SYCP1: variants seen among roughly 807,000 people sequenced by gnomAD.
SYCP1 encodes cancer/testis antigen 8.
Under a neutral mutation model 153.1 loss-of-function variants are expected in SYCP1, and 64 were observed. The observed-to-expected ratio is 0.42, with a 90% CI of 0.34 to 0.51. The LOEUF (loss-of-function observed/expected upper bound fraction) is 0.51. Among genes scored for constraint, SYCP1 ranks in the 20% least tolerant of loss-of-function variants. SYCP1 has a pLI of 0.06. For missense variants in SYCP1, 997 were observed against 1,049.0 expected (o/e 0.95, Z 0.68); for synonymous variants, 384 against 341.8 (o/e 1.12, Z -1.36).
chr1:114,940,024 G>A (rs571518220), intron 23 of SYCP1, among the ~76,000 whole-genome samples: 2 of 152,190 alleles, frequency 1.3e-5, no homozygotes, highest in South Asian at 4.1e-4. Context: ...TTTTTAATCT[G>A]ATGTTGGTTA....
intron 15 of SYCP1, among the ~76,000 whole-genome samples, chr1:114,892,179 C>A (rs574654023): frequency 6.6e-6 from 1 of 152,134 alleles, no homozygotes; most frequent in South Asian, 2.1e-4. Context: ...CAGAGATAGT[C>A]CTCGTGGGCC....
chr1:114,933,574 G>T (rs1325270351), intron 23 of SYCP1, among the ~76,000 whole-genome samples: 1 of 152,328 alleles, frequency 6.6e-6, no homozygotes, highest in East Asian at 1.9e-4. Flanking sequence ...AGAGAAGAAG[G>T]CTTCAGATGA....
chr1:114,937,011 C>T (rs1670055453), intron 23 of SYCP1, among the ~76,000 whole-genome samples: 1 of 152,146 alleles, frequency 6.6e-6, no homozygotes, highest in Admixed American at 6.6e-5. Context: ...ATCAAGCTAC[C>T]AATCACTTTC....
intron 9 of SYCP1, among the ~76,000 whole-genome samples, chr1:114,875,862 G>T (rs1037784189): frequency 6.6e-6 from 1 of 152,136 alleles, no homozygotes; most frequent in African/African-American, 2.4e-5. Context: ...ATAACATGTT[G>T]CCAGTGCATT....
At chr1:114,859,716 G>A (rs1367228392) in intron 6 of SYCP1, 27 bp from the exon 7 acceptor site, 8 of 1,007,698 alleles carry the variant, frequency 7.9e-6, no homozygotes, top group Non-Finnish European at 9.1e-6. Context: ...AGCAAAATGG[G>A]ATGAACTTTT....
At chr1:114,920,051 CTTTTTGTAGTTTTTTA>C (rs1016529665) in intron 20 of SYCP1, among the ~76,000 whole-genome samples, 5 of 151,642 alleles carry the variant, frequency 3.3e-5, no homozygotes, top group African/African-American at 1.2e-4. Flanking sequence ...GTTTGCTCTT[CTTTTTGTAGTTTTTTA>C]AGATGCATCA....
intron 27 of SYCP1, among the ~76,000 whole-genome samples, chr1:114,970,218 G>A (rs977116291): frequency 6.6e-6 from 1 of 152,024 alleles, no homozygotes; most frequent in African/African-American, 2.4e-5. Context: ...AAATTTTCCA[G>A]TGTATTTTGC....
At chr1:114,983,516 A>T (rs751847737) in intron 29 of SYCP1, among the ~76,000 whole-genome samples, 1 of 151,960 alleles carries the variant, frequency 6.6e-6, no homozygotes, top group Non-Finnish European at 1.5e-5. Flanking sequence ...CACCAGACAA[A>T]TCAAATACTG....
chr1:114,893,852 C>T (rs891717870), intron 15 of SYCP1, among the ~76,000 whole-genome samples: 3 of 152,084 alleles, frequency 2.0e-5, no homozygotes, highest in African/African-American at 4.8e-5. Context: ...AACACTACCT[C>T]ATCTGCCACC....
chr1:114,959,227 G>T (rs1671629764), intron 27 of SYCP1, among the ~76,000 whole-genome samples: 1 of 151,938 alleles, frequency 6.6e-6, no homozygotes, highest in Non-Finnish European at 1.5e-5. Context: ...TGATCATGTG[G>T]GTTTCTCCGT....
At position 114,926,529 on chromosome 1, in the gene SYCP1, C is replaced by T. The variant is rs953686400; in HGVS notation, c.1892C>T (p.Ala631Val). The change falls in exon 23 of 32, where the codon GCA becomes GTA. Residue 631 changes from alanine (A) to valine (V), a missense_variant. Ala to Val is a moderately conservative substitution (Grantham distance 64). Transcript: ENST00000369522. ...AAGGCCTTGAAAAAAAAAGGTACAGCAGAAAGCAAGCAACTGAATGTTTAT... is the reference window on the plus strand; with the variant it reads ...AAGGCCTTGAAAAAAAAAGGTACAGTAGAAAGCAAGCAACTGAATGTTTAT... The part of the protein sequence containing the change: ...ENKALKKKGT[A>V]ESKQLNVYEI... The T allele has an allele frequency of 5.7e-6, 9 of 1,591,804 alleles. No homozygotes were observed. In the Middle Eastern group the frequency reaches 5.0e-4, roughly 89 times the overall value.
At chr1:114,856,532 G>A in intron 2 of SYCP1, 41 bp from the exon 3 acceptor site, 2 of 1,385,592 alleles carry the variant, frequency 1.4e-6, no homozygotes, top group African/African-American at 2.9e-5. Flanking sequence ...ATATCAGAGT[G>A]GTATGAAACA....
intron 27 of SYCP1, among the ~76,000 whole-genome samples, chr1:114,963,422 C>T (rs1025036684): frequency 6.6e-6 from 1 of 152,094 alleles, no homozygotes; most frequent in African/African-American, 2.4e-5. Context: ...GTGTGCAGAA[C>T]ATGCAAGTTT....
At chr1:114,898,433 C>T (rs1031418688) in intron 16 of SYCP1, among the ~76,000 whole-genome samples, 3 of 152,044 alleles carry the variant, frequency 2.0e-5, no homozygotes, top group Admixed American at 6.6e-5. Flanking sequence ...ATCATCTGTC[C>T]GGATTTGCAA....
intron 29 of SYCP1, among the ~76,000 whole-genome samples, chr1:114,982,433 C>T (rs1673220381): frequency 6.6e-6 from 1 of 151,656 alleles, no homozygotes; most frequent in Non-Finnish European, 1.5e-5. Context: ...TTTTTCTATT[C>T]CATATCAGTT....
chr1:114,942,286 C>T (rs904187302), intron 23 of SYCP1, among the ~76,000 whole-genome samples: 6 of 151,744 alleles, frequency 4.0e-5, no homozygotes, highest in East Asian at 3.8e-4. Flanking sequence ...AAATTTTGTC[C>T]GCAACATACC....
chr1:114,927,846 T>C (rs374254691), intron 23 of SYCP1, among the ~76,000 whole-genome samples: 28 of 151,974 alleles, frequency 1.8e-4, no homozygotes, highest in African/African-American at 6.5e-4. Flanking sequence ...TGAGACAGAG[T>C]CTCACTCTGG....
At chr1:114,860,183 C>T (rs1664278593) in intron 7 of SYCP1, among the ~76,000 whole-genome samples, 1 of 152,058 alleles carries the variant, frequency 6.6e-6, no homozygotes. Flanking sequence ...TACTCAAATT[C>T]CTGTTTTTGA....
At chr1:114,969,766 C>T (rs1004609114) in intron 27 of SYCP1, among the ~76,000 whole-genome samples, 1 of 152,164 alleles carries the variant, frequency 6.6e-6, no homozygotes, top group African/African-American at 2.4e-5. Context: ...ACCCAGGGCC[C>T]TGGTTGTGTA....
Sources: gnomAD v4.1 joint callset for allele counts (sites outside exome capture counted in the v4.1 genomes callset) on GRCh38, gnomAD v4.1.1 for gene constraint, MANE v1.5 for transcripts, NCBI Gene and HGNC (gene_info 2026-07-23, HGNC 2026-07-21) for gene names.